Variants in TEC observed in about 807,000 individuals in gnomAD.
The protein encoded by TEC is tyrosine-protein kinase Tec.
TEC carries 72 observed loss-of-function variants against 93.0 expected under a neutral mutation model. The ratio of observed to expected loss-of-function variants is 0.77; its 90% confidence interval spans 0.64 to 0.94. TEC has a LOEUF of 0.94. TEC is among the 40% of genes least tolerant of loss of function. TEC has a pLI of 0.00. For synonymous variants in TEC, 249 were observed against 247.7 expected (o/e 1.01, Z -0.05); for missense variants, 630 against 757.9 (o/e 0.83, Z 1.98).
chr4:48,245,417 TACAC>T (rs2109661993), intron 1 of TEC, among the ~76,000 whole-genome samples: 1 of 152,140 alleles, frequency 6.6e-6, no homozygotes, highest in Admixed American at 6.5e-5. Context: ...CACATACACA[TACAC>T]ACACAAACAC....
chr4:48,252,857 G>C (rs1346742272), intron 1 of TEC, among the ~76,000 whole-genome samples: 1 of 152,228 alleles, frequency 6.6e-6, no homozygotes, highest in South Asian at 2.1e-4. Flanking sequence ...GTGGCCAGCA[G>C]AGTACTCAAA....
At chr4:48,173,606 A>T (rs910738265) in intron 3 of TEC, among the ~76,000 whole-genome samples, 1 of 152,226 alleles carries the variant, frequency 6.6e-6, no homozygotes, top group East Asian at 1.9e-4. Context: ...TGCAAACTTC[A>T]AGTGCAGAAA....
chr4:48,174,339 C>T (rs1721235269), intron 3 of TEC, among the ~76,000 whole-genome samples: 1 of 152,078 alleles, frequency 6.6e-6, no homozygotes, highest in African/African-American at 2.4e-5. Flanking sequence ...TGCTGTCAAT[C>T]CCTAGCATGT....
intron 3 of TEC, 102 bp from the exon 4 acceptor site, chr4:48,171,551 A>ACACACACACACACACACAC: frequency 1.3e-6 from 1 of 769,960 alleles, no homozygotes; most frequent in Non-Finnish European, 2.0e-6. Context: ...AATGATTCTC[A>ACACACACACACACACACAC]AATAACTGAA....
intron 2 of TEC, among the ~76,000 whole-genome samples, chr4:48,182,284 CAA>C (rs34844220): frequency 7.8e-5 from 11 of 140,954 alleles, no homozygotes; most frequent in African/African-American, 2.1e-4. Context: ...GACTCCATCT[CAA>C]AAAAAAAAAA....
At chr4:48,139,236 C>T (rs1335616397) in intron 15 of TEC, among the ~76,000 whole-genome samples, 4 of 152,228 alleles carry the variant, frequency 2.6e-5, no homozygotes, top group Admixed American at 6.5e-5. Flanking sequence ...TCCATCACCA[C>T]GTTACCATCT....
intron 2 of TEC, among the ~76,000 whole-genome samples, chr4:48,213,251 C>T (rs1293442028): frequency 1.3e-5 from 2 of 152,168 alleles, no homozygotes; most frequent in Admixed American, 6.5e-5. Flanking sequence ...CAGTCTCTTG[C>T]TTACTCGTTT....
intron 15 of TEC, 53 bp from the exon 16 acceptor site, chr4:48,139,075 C>T: frequency 6.9e-7 from 1 of 1,451,386 alleles, no homozygotes; most frequent in South Asian, 1.2e-5. Context: ...TCTGTTTTTT[C>T]TACTTGCTCT....
At chr4:48,181,447 G>A (rs1314069039) in intron 2 of TEC, among the ~76,000 whole-genome samples, 1 of 151,864 alleles carries the variant, frequency 6.6e-6, no homozygotes, top group East Asian at 1.9e-4. Context: ...GGCCAAGGAG[G>A]GTGTATCATG....
intron 9 of TEC, 97 bp downstream of exon 9, chr4:48,156,583 T>C: frequency 8.9e-7 from 1 of 1,124,562 alleles, no homozygotes; most frequent in African/African-American, 1.6e-5. Context: ...TGCTCACTGC[T>C]GAACACATTT....
chr4:48,244,584 A>T (rs891482317), intron 1 of TEC, among the ~76,000 whole-genome samples: 1 of 152,258 alleles, frequency 6.6e-6, no homozygotes, highest in Admixed American at 6.5e-5. Flanking sequence ...CAGCCAAATC[A>T]TATCAAACCC....
chr4:48,164,066 C>T (rs1226796592), intron 7 of TEC, among the ~76,000 whole-genome samples: 1 of 152,132 alleles, frequency 6.6e-6, no homozygotes, highest in African/African-American at 2.4e-5. Flanking sequence ...TAAAGTTAGC[C>T]AGCAACAGGG....
chr4:48,262,984 T>A (rs1400360577), intron 1 of TEC, among the ~76,000 whole-genome samples: 2 of 152,216 alleles, frequency 1.3e-5, no homozygotes, highest in East Asian at 3.9e-4. Context: ...AACTGACTCT[T>A]GTCATCATGT....
At position 48,263,945 on chromosome 4, in the gene TEC, T is replaced by C. The variant is rs1351878011; in HGVS notation, c.-46+5807A>G. On this transcript the variant is annotated intron_variant, in intron 1 of 17. Coordinates refer to ENST00000381501, the MANE Select transcript of TEC (RefSeq NM_003215.3). ...GAAAACAGCAACACACTGCTATGAC[T>C]GAATGGTGCCAGTCTCTGGATAGAG... Among the ~76,000 whole-genome samples, 5 of 152,140 alleles carry C rather than the reference T, an allele frequency of 3.3e-5. No individual in the cohort carries two copies. The East Asian group carries it at 5.8e-4, about 18-fold the overall frequency.
At chr4:48,161,658 G>A (rs1449348028) in intron 8 of TEC, among the ~76,000 whole-genome samples, 1 of 145,216 alleles carries the variant, frequency 6.9e-6, no homozygotes, top group East Asian at 2.1e-4. Context: ...GGTTAATATT[G>A]AGTGTCAACT....
chr4:48,244,896 C>A (rs1482016850), intron 1 of TEC, among the ~76,000 whole-genome samples: 11 of 152,200 alleles, frequency 7.2e-5, no homozygotes, highest in Non-Finnish European at 1.6e-4. Flanking sequence ...TCATTGGATT[C>A]AAACTTCTCA....
intron 2 of TEC, among the ~76,000 whole-genome samples, chr4:48,214,087 C>T (rs1722994496): frequency 6.6e-6 from 1 of 152,150 alleles, no homozygotes; most frequent in Non-Finnish European, 1.5e-5. Context: ...CTGATCATCA[C>T]CATTGTAATT....
rs79485919 is a variant in TEC at position 48,172,896 on chromosome 4, G to C, written c.244-1447C>G. Among the ~76,000 whole-genome samples the C allele has an allele frequency of 3.2e-4, 48 of 152,268 alleles. No homozygotes were observed. The East Asian group carries it at 9.1e-3, about 29-fold the overall frequency. ...AGAAGGAACTATGCACCGTGAACTA[G>C]TCATTCTGAATTGACATTGAGATGT... is the stretch of plus-strand genomic sequence containing the variant. On this transcript the variant is annotated intron_variant, in intron 3 of 17. Transcript: ENST00000381501.
chr4:48,234,288 A>G (rs1723721501), intron 1 of TEC, among the ~76,000 whole-genome samples: 1 of 152,260 alleles, frequency 6.6e-6, no homozygotes, highest in African/African-American at 2.4e-5. Flanking sequence ...TCAAAAAGCT[A>G]CTTGGGGATG....
Sources: gnomAD v4.1 joint callset for allele counts (sites outside exome capture counted in the v4.1 genomes callset) on GRCh38, gnomAD v4.1.1 for gene constraint, MANE v1.5 for transcripts, NCBI Gene and HGNC (gene_info 2026-07-23, HGNC 2026-07-21) for gene names.